Variants in BIVM observed in about 807,000 individuals in gnomAD.
BIVM encodes the protein basic, immunoglobulin-like variable motif containing, also known as basic immunoglobulin-like variable motif-containing protein.
BIVM carries 31 observed loss-of-function variants against 61.4 expected under a neutral mutation model. The observed-to-expected ratio is 0.51, with a 90% CI of 0.38 to 0.68. BIVM has a LOEUF of 0.68. BIVM is among the 30% of genes least tolerant of loss of function. The pLI is 0.00. For missense variants in BIVM, 526 were observed against 596.0 expected, an observed-to-expected ratio of 0.88 and a Z score of 1.22; for synonymous variants, 189 against 210.7, an observed-to-expected ratio of 0.90 and a Z score of 0.89.
Position 102,807,760 on chromosome 13 carries a change from A to G in BIVM, c.478+15A>G. The G allele has an allele frequency of 6.3e-7, 1 of 1,589,080 alleles. No individual in the cohort carries two copies. On this transcript the variant is annotated intron_variant, in intron 3 of 10. Transcript: ENST00000257336. The surrounding 1 kb of genome is among the most constrained non-coding windows in gnomAD (Gnocchi z 4.0). ...ACACAAATCAGGTAAGGAGGGAGCC[A>G]TGAAGTTCATATGTGAAAATAATGA...
At chr13:102,833,327 G>GTTTTTTTTTTTGTTTTTTTTTTTTTTTTT (rs1881234674) in intron 8 of BIVM, among the ~76,000 whole-genome samples, 10 of 79,602 alleles carry the variant, frequency 1.3e-4, no homozygotes, top group Admixed American at 1.0e-3. Context: ...GATAGGATGG[G>GTTTTTTTTTTTGTTTTTTTTTTTTTTTTT]TTTTTTTTTT....
In BIVM at chr13:102,834,533, C is replaced by G. The variant is rs1249463412; in HGVS notation, c.1102C>G (p.Pro368Ala). 1.3e-6 allele frequency: 2 copies of G among 1,588,944 alleles called. No homozygotes were observed. Among genetic ancestry groups the G allele is most frequent in the Non-Finnish European group, 8.5e-7 (1 of 1,172,178 alleles). Reference protein sequence around the residue: ...ILIGESSRKHPAIHCKKWADI... With the variant: ...ILIGESSRKHAAIHCKKWADI... ...AATTGGAGAATCAAGTAGAAAACAT[C>G]CTGCCATTCACTGTAAAAAGTATGT... The change falls in exon 9 of 11, where the codon CCT becomes GCT. Residue 368 changes from proline to alanine, a missense_variant. Around this residue, in one of 3 missense-constraint regions of BIVM, gnomAD observed 210 missense variants for 233.1 expected, o/e 0.90. Coordinates refer to ENST00000257336, the MANE Select transcript of BIVM (RefSeq NM_017693.4).
intron 6 of BIVM, 65 bp from the exon 7 acceptor site, chr13:102,822,000 A>G (rs771196463): frequency 2.1e-5 from 33 of 1,589,142 alleles, no homozygotes; most frequent in Non-Finnish European, 2.5e-5. Context: ...ATTTCTTTAG[A>G]ATTGGAATAA....
chr13:102,822,201 A>T (rs757700763), intron 7 of BIVM, 42 bp downstream of exon 7: 10 of 1,557,696 alleles, frequency 6.4e-6, no homozygotes, highest in African/African-American at 1.4e-5. Flanking sequence ...ACATACACAC[A>T]TGCACACACA....
rs774413661 is a variant in BIVM at position 102,804,209 on chromosome 13, G to A, written c.-206-1098G>A. Among the ~76,000 whole-genome samples, 253 of 151,578 alleles carry A rather than the reference G, an allele frequency of 1.7e-3. 3 individuals carry two copies. Among genetic ancestry groups the A allele is most frequent in the Middle Eastern group, 6.8e-3 (2 of 292 alleles). On this transcript the variant is annotated intron_variant, in intron 1 of 10. Coordinates refer to ENST00000257336, the MANE Select transcript of BIVM (RefSeq NM_017693.4). Reference sequence around the variant, plus strand: ...GTCACCCAGGCTGGAGTGCAGTGGCGCGATCTTGGCTCAACGCAACCTCCA... The same window carrying A: ...GTCACCCAGGCTGGAGTGCAGTGGCACGATCTTGGCTCAACGCAACCTCCA...
At chr13:102,835,404 A>G (rs143674866) in intron 9 of BIVM, among the ~76,000 whole-genome samples, 1 of 152,318 alleles carries the variant, frequency 6.6e-6, no homozygotes, top group East Asian at 1.9e-4. Context: ...TCACCACTAT[A>G]TAATTGCAGA....
rs187413015 is a variant in BIVM at position 102,830,667 on chromosome 13, G to T, written c.902-898G>T. ...CTAGCCTCCATAAGTTTTGTGTAAA[G>T]ATTAAAGTGTGTGTAGAAAAATCTG... On this transcript the variant is annotated intron_variant, in intron 7 of 10. Coordinates refer to ENST00000257336, the MANE Select transcript of BIVM (RefSeq NM_017693.4). 5.8e-3 allele frequency among the ~76,000 whole-genome samples: 878 copies of T among 152,316 alleles called. 4 individuals are homozygous for T. The highest frequency in any genetic ancestry group is 0.02 in the South Asian group (99 of 4,832).
chr13:102,810,297 T>C (rs1328285989), intron 3 of BIVM, among the ~76,000 whole-genome samples: 3 of 152,252 alleles, frequency 2.0e-5, no homozygotes, highest in African/African-American at 7.2e-5. Flanking sequence ...GGAATACTTA[T>C]TTCCATCCTT....
intron 3 of BIVM, among the ~76,000 whole-genome samples, chr13:102,815,612 C>G (rs1879814123): frequency 6.6e-6 from 1 of 152,158 alleles, no homozygotes. Context: ...GCATGTACAC[C>G]TACTATGTAC....
chr13:102,807,549 C>T lies in BIVM; in HGVS notation c.282C>T (p.Leu94=), dbSNP rs948206769. 2 of 1,614,218 alleles carry T rather than the reference C, an allele frequency of 1.2e-6. No homozygotes were observed. The highest frequency in any genetic ancestry group is 1.1e-5 in the South Asian group (1 of 91,090). Residue 94 remains leucine (L), a synonymous_variant, in exon 3 of 11, where the codon CTC becomes CTT. Coordinates refer to ENST00000257336, the MANE Select transcript of BIVM (RefSeq NM_017693.4). The surrounding 1 kb of genome is among the most constrained non-coding windows in gnomAD (Gnocchi z 4.0). ...CAAATCCATCCCGCTCTCCTTGCCT[C>T]CCTGATAGTACCTCTTTATCTGCTG... The part of the protein sequence containing the change: ...KTPNPSRSPC[L]PDSTSLSAGN...
At chr13:102,802,705 A>C (rs1878816107) in intron 1 of BIVM, among the ~76,000 whole-genome samples, 1 of 151,938 alleles carries the variant, frequency 6.6e-6, no homozygotes, top group Non-Finnish European at 1.5e-5. Flanking sequence ...AACAAACTAA[A>C]AACACAAACA....
chr13:102,814,943 C>T (rs1879760766), intron 3 of BIVM, among the ~76,000 whole-genome samples: 1 of 151,994 alleles, frequency 6.6e-6, no homozygotes, highest in African/African-American at 2.4e-5. Context: ...ACTCCTGAGG[C>T]TGATGTAGGA....
At chr13:102,824,163 A>G (rs6650292) in intron 7 of BIVM, among the ~76,000 whole-genome samples, 54,125 of 152,080 alleles carry the variant, frequency 0.36, 11,517 homozygotes, top group Non-Finnish European at 0.49. Flanking sequence ...GACATTTTGC[A>G]CCCTGTAAAC....
intron 4 of BIVM, among the ~76,000 whole-genome samples, chr13:102,817,146 T>G (rs1879919580): frequency 6.6e-6 from 1 of 152,200 alleles, no homozygotes; most frequent in African/African-American, 2.4e-5. Flanking sequence ...TCCACCCCAC[T>G]TTCCCCCTTG....
chr13:102,802,648 C>T (rs1045216908), intron 1 of BIVM, among the ~76,000 whole-genome samples: 20 of 151,166 alleles, frequency 1.3e-4, no homozygotes, highest in African/African-American at 4.4e-4. Flanking sequence ...TTTGCTAAAA[C>T]TTCGACCAAA....
intron 4 of BIVM, among the ~76,000 whole-genome samples, chr13:102,817,108 C>G (rs1879917316): frequency 6.6e-6 from 1 of 152,146 alleles, no homozygotes; most frequent in Non-Finnish European, 1.5e-5. Flanking sequence ...CTTGTCATGA[C>G]CCATAATTCT....
chr13:102,838,061 A>G (rs1881605120), intron 9 of BIVM, among the ~76,000 whole-genome samples: 1 of 152,252 alleles, frequency 6.6e-6, no homozygotes, highest in Non-Finnish European at 1.5e-5. Flanking sequence ...TAAAACTTAA[A>G]AAAGATATTG....
intron 7 of BIVM, among the ~76,000 whole-genome samples, chr13:102,827,557 A>T (rs887087547): frequency 4.0e-5 from 6 of 151,600 alleles, no homozygotes; most frequent in African/African-American, 1.2e-4. Context: ...TTTTGTCTTT[A>T]CCTTTGCTAA....
rs549380888 is a variant in BIVM, at chr13:102,821,543, A to G, written c.702-200A>G. Among the ~76,000 whole-genome samples the G allele has an allele frequency of 2.6e-5, 4 of 152,312 alleles. No individual in the cohort carries two copies. In the East Asian group the frequency reaches 7.7e-4, roughly 29 times the overall value. ...CTTGAGCCCAGGAGTTTAAGGCTGC[A>G]GTGAGCTATGATCACGCCACTGCAC... On this transcript the variant is annotated intron_variant, in intron 5 of 10. Coordinates refer to ENST00000257336, the MANE Select transcript of BIVM (RefSeq NM_017693.4).
Sources: gnomAD v4.1 joint callset for allele counts (sites outside exome capture counted in the v4.1 genomes callset) on GRCh38, gnomAD v4.1.1 for gene constraint, gnomAD v4.1.1 regional missense constraint, Gnocchi (gnomAD v3.1) non-coding constraint, MANE v1.5 for transcripts, NCBI Gene and HGNC (gene_info 2026-07-23, HGNC 2026-07-21) for gene names.